Variants in NPHP1 observed in about 807,000 individuals in gnomAD.
NPHP1 encodes the protein nephrocystin 1.
A neutral mutation model predicts 90.4 loss-of-function variants in NPHP1; 70 were observed. The ratio of observed to expected loss-of-function variants is 0.77; its 90% CI spans 0.64 to 0.95. The LOEUF (loss-of-function observed/expected upper bound fraction) is 0.95, where lower values mean the gene tolerates loss of function less well. NPHP1 is among the 40% of genes least tolerant of loss of function. The pLI is 0.00. For synonymous variants in NPHP1, 256 were observed against 271.7 expected, an observed-to-expected ratio of 0.94 and a Z score of 0.57; for missense variants, 764 against 795.9, an observed-to-expected ratio of 0.96 and a Z score of 0.48.
chr2:110,156,076 T>TC (rs1243611699), intron 11 of NPHP1, among the ~76,000 whole-genome samples: 1 of 149,992 alleles, frequency 6.7e-6, no homozygotes, highest in Admixed American at 6.6e-5. Context: ...GGTCTTTCTT[T>TC]TTTTTTTTTT....
intron 4 of NPHP1, among the ~76,000 whole-genome samples, chr2:110,174,988 A>C (rs79422557): frequency 2.6e-5 from 4 of 152,058 alleles, no homozygotes; most frequent in Non-Finnish European, 5.9e-5. Context: ...TGTGAATTCA[A>C]TGTTAATGAA....
chr2:110,179,307 T>G (rs964817771), intron 3 of NPHP1, among the ~76,000 whole-genome samples: 1 of 152,100 alleles, frequency 6.6e-6, no homozygotes, highest in African/African-American at 2.4e-5. Flanking sequence ...ACAAAGAAAT[T>G]AAAATAAAAA....
At chr2:110,184,068 G>A (rs73954633) in intron 2 of NPHP1, 26,524 of 520,148 alleles carry the variant, frequency 0.051, 1,133 homozygotes, top group African/African-American at 0.17. Context: ...GGAGTCTTAC[G>A]ATACAATCAC....
chr2:110,160,101 A>G (rs1319144344), intron 11 of NPHP1, 26 bp downstream of exon 11: 2 of 1,607,924 alleles, frequency 1.2e-6, no homozygotes, highest in South Asian at 2.2e-5. Flanking sequence ...CCTAGTATGA[A>G]TTGATTTACT....
At chr2:110,167,988 C>G (rs1310927492) in intron 6 of NPHP1, among the ~76,000 whole-genome samples, 5 of 152,130 alleles carry the variant, frequency 3.3e-5, no homozygotes, top group African/African-American at 1.2e-4. Flanking sequence ...CATCATAGTT[C>G]TACTGGACAG....
intron 2 of NPHP1, among the ~76,000 whole-genome samples, chr2:110,194,368 A>T (rs1684987959): frequency 6.6e-6 from 1 of 152,222 alleles, no homozygotes; most frequent in Non-Finnish European, 1.5e-5. Context: ...ATCAGAGAAT[A>T]CTATAAACAC....
Position 110,123,504 on chromosome 2 carries a change from C to T in NPHP1, c.*287G>A. ...TCATAAATTTAGTTTTTGACAAAATCTTGCTTTTATAGAAATCTATACCAT... is the reference window on the plus strand; with the variant it reads ...TCATAAATTTAGTTTTTGACAAAATTTTGCTTTTATAGAAATCTATACCAT... On this transcript the variant is annotated 3_prime_UTR_variant, in exon 20 of 20. Coordinates refer to ENST00000445609, the MANE Select transcript of NPHP1 (RefSeq NM_001128178.3). 1 of 260,216 alleles carries T rather than the reference C, an allele frequency of 3.8e-6. No homozygotes were observed. Among genetic ancestry groups the T allele is most frequent in the Non-Finnish European group, 7.2e-6 (1 of 138,448 alleles). 16.1% of individuals were successfully genotyped at this position (260,216 alleles called of 1,614,324 possible). A position where few individuals can be genotyped will look rare whatever the true frequency, so the allele number is the denominator to read the frequency against.
chr2:110,164,734 G>C lies in NPHP1; in HGVS notation c.729-4C>G, dbSNP rs1682596294. ...AGCACTCCAGTGGGGATCAGTTCTG[G>C]GGAGACAAAATAGCAAAGTGAGTCA... On this transcript the variant is annotated splice_polypyrimidine_tract_variant and splice_region_variant and intron_variant, in intron 7 of 19. Transcript: ENST00000445609. 1.9e-6 allele frequency: 3 copies of C among 1,613,220 alleles called. No homozygotes were observed. Among genetic ancestry groups the C allele is most frequent in the Admixed American group, 1.7e-5 (1 of 59,990 alleles).
chr2:110,143,237 A>T (rs996877362), intron 16 of NPHP1, among the ~76,000 whole-genome samples: 1 of 152,182 alleles, frequency 6.6e-6, no homozygotes, highest in Non-Finnish European at 1.5e-5. Context: ...ATCTCAATAA[A>T]CTTGACATTT....
chr2:110,143,488 C>T, intron 16 of NPHP1, 54 bp downstream of exon 16: 1 of 1,192,516 alleles, frequency 8.4e-7, no homozygotes, highest in Non-Finnish European at 1.3e-6. Flanking sequence ...CAGAGATGGT[C>T]TCCAAGTGCT....
intron 3 of NPHP1, 125 bp downstream of exon 3, chr2:110,179,499 G>C: frequency 6.7e-6 from 4 of 601,132 alleles, no homozygotes; most frequent in Middle Eastern, 3.1e-4. Context: ...AGCCAGCACT[G>C]GCTGCAGTTA....
intron 11 of NPHP1, among the ~76,000 whole-genome samples, chr2:110,156,663 C>T (rs994753528): frequency 6.6e-6 from 1 of 152,092 alleles, no homozygotes; most frequent in Admixed American, 6.5e-5. Flanking sequence ...CAATTACCCT[C>T]TCTGGGTGGG....
intron 11 of NPHP1, among the ~76,000 whole-genome samples, chr2:110,159,226 T>C (rs1433402331): frequency 6.6e-6 from 1 of 152,036 alleles, no homozygotes; most frequent in South Asian, 2.1e-4. Flanking sequence ...TGAAGGATAC[T>C]GTCTGGTAAT....
At chr2:110,202,500 T>C (rs928339980) in intron 1 of NPHP1, 1 of 446,764 alleles carries the variant, frequency 2.2e-6, no homozygotes, top group Non-Finnish European at 4.5e-6. Context: ...AGGGAAGAAT[T>C]AGCTAATACT....
chr2:110,146,721 A>G, intron 14 of NPHP1, 32 bp downstream of exon 14: 3 of 1,460,180 alleles, frequency 2.1e-6, no homozygotes, highest in Non-Finnish European at 2.9e-6. Flanking sequence ...TTACAGAAGT[A>G]TTCATTCGTT....
chr2:110,134,455 A>T (rs866129240), intron 16 of NPHP1, among the ~76,000 whole-genome samples: 1 of 151,916 alleles, frequency 6.6e-6, no homozygotes, highest in Non-Finnish European at 1.5e-5. Flanking sequence ...TTTCCAAAAA[A>T]TGAAGAGGAA....
At chr2:110,177,121 G>C (rs1003621829) in intron 4 of NPHP1, among the ~76,000 whole-genome samples, 2 of 152,138 alleles carry the variant, frequency 1.3e-5, no homozygotes, top group African/African-American at 4.8e-5. Context: ...GGTGAATGTA[G>C]GATTTGCTTC....
intron 15 of NPHP1, chr2:110,144,270 T>A (rs1680852637): frequency 1.8e-6 from 1 of 545,914 alleles, no homozygotes; most frequent in Non-Finnish European, 3.3e-6. Context: ...ATGCATTAGT[T>A]CTCATTCTTC....
intron 9 of NPHP1, among the ~76,000 whole-genome samples, 162 bp downstream of exon 9, chr2:110,162,886 T>A (rs763327552): frequency 6.6e-6 from 1 of 152,104 alleles, no homozygotes; most frequent in Non-Finnish European, 1.5e-5. Flanking sequence ...GGATCAGGGA[T>A]CTTTCCTCAC....
Sources: gnomAD v4.1 joint callset for allele counts (sites outside exome capture counted in the v4.1 genomes callset) on GRCh38, gnomAD v4.1.1 for gene constraint, MANE v1.5 for transcripts, NCBI Gene and HGNC (gene_info 2026-07-23, HGNC 2026-07-21) for gene names.